YES1: variants seen among roughly 807,000 people sequenced by gnomAD.
YES1 encodes YES proto-oncogene 1, Src family tyrosine kinase.
In YES1, 39 loss-of-function variants were observed where a neutral mutation model predicts 70.4. The observed-to-expected ratio is 0.55, with a 90% confidence interval of 0.43 to 0.72. The LOEUF (loss-of-function observed/expected upper bound fraction) is 0.72. YES1 is among the 30% of genes least tolerant of loss of function. YES1 has a pLI of 0.00. For missense variants in YES1, 495 were observed against 644.8 expected (o/e 0.77, Z 2.52); for synonymous variants, 198 against 218.6 (o/e 0.91, Z 0.83).
At chr18:807,194 C>T (rs887172728) in intron 1 of YES1, among the ~76,000 whole-genome samples, 23 of 152,026 alleles carry the variant, frequency 1.5e-4, no homozygotes, top group Admixed American at 3.3e-4. Context: ...ATTAGCCGGG[C>T]GTGGTGGTGC....
intron 1 of YES1, among the ~76,000 whole-genome samples, chr18:805,215 T>C (rs753033349): frequency 2.6e-5 from 4 of 152,198 alleles, no homozygotes; most frequent in Non-Finnish European, 5.9e-5. Context: ...ACTACAACCT[T>C]GGGCCATATA....
intron 1 of YES1, among the ~76,000 whole-genome samples, chr18:767,388 C>A (rs1408709771): frequency 6.6e-6 from 1 of 152,134 alleles, no homozygotes; most frequent in Non-Finnish European, 1.5e-5. Flanking sequence ...TGAGCTCAAG[C>A]AATTCGCCTG....
Position 745,779 on chromosome 18 carries a change from T to C in YES1, c.653A>G (p.Asp218Gly). ...NVKHYKIRKL[D>G]NGGYYITTRA... is the part of the protein sequence containing the mutation. ...GGTTGTGATATAGTATCCACCATTG[T>C]CAAGTTTCCTAATTTTGTAGTGTTT... Residue 218 changes from aspartate (D) to glycine (G), a missense_variant, in exon 6 of 12, where the codon GAC becomes GGC. Asp to Gly is a moderately conservative substitution (Grantham distance 94). Coordinates refer to ENST00000314574, the MANE Select transcript of YES1 (RefSeq NM_005433.4). 1.9e-6 allele frequency: 3 copies of C among 1,613,292 alleles called. No individual in the cohort carries two copies. Among genetic ancestry groups the C allele is most frequent in the Non-Finnish European group, 8.5e-7 (1 of 1,179,818 alleles).
At chr18:800,067 T>A (rs541212215) in intron 1 of YES1, among the ~76,000 whole-genome samples, 4 of 152,326 alleles carry the variant, frequency 2.6e-5, no homozygotes, top group Non-Finnish European at 5.9e-5. Context: ...AGTTTCTCCA[T>A]CAGACTCAAG....
At chr18:752,548 T>C (rs906149692) in intron 2 of YES1, among the ~76,000 whole-genome samples, 1 of 152,190 alleles carries the variant, frequency 6.6e-6, no homozygotes, top group Non-Finnish European at 1.5e-5. Context: ...AAATAATGAA[T>C]GAACAATTGC....
At chr18:808,239 T>C (rs532397164) in intron 1 of YES1, among the ~76,000 whole-genome samples, 54 of 152,330 alleles carry the variant, frequency 3.5e-4, no homozygotes, top group South Asian at 6.2e-4. Flanking sequence ...GAAAACGATA[T>C]TGGCGGCAGC....
chr18:793,017 G>T (rs1906348311), intron 1 of YES1, among the ~76,000 whole-genome samples: 1 of 150,186 alleles, frequency 6.7e-6, no homozygotes, highest in Non-Finnish European at 1.5e-5. Context: ...GAGTCTTAAG[G>T]TTCATTATAA....
intron 1 of YES1, among the ~76,000 whole-genome samples, chr18:760,851 T>C (rs1265199687): frequency 6.6e-6 from 1 of 152,200 alleles, no homozygotes; most frequent in East Asian, 1.9e-4. Flanking sequence ...ATCTTTGTAC[T>C]TGCTCATGCT....
At chr18:732,067 TA>T (rs2080096609) in intron 11 of YES1, among the ~76,000 whole-genome samples, 1 of 151,730 alleles carries the variant, frequency 6.6e-6, no homozygotes, top group African/African-American at 2.4e-5. Context: ...TGCTGGTTTA[TA>T]AATAGGTTAG....
At chr18:781,633 A>G (rs1001318475) in intron 1 of YES1, among the ~76,000 whole-genome samples, 3 of 152,228 alleles carry the variant, frequency 2.0e-5, no homozygotes, top group African/African-American at 2.4e-5. Flanking sequence ...CTGATGCCCA[A>G]TGAATATTTT....
In YES1 at chr18:756,837, TAC is replaced by T; in HGVS notation, c.-8-4_-8-3del. ...TTTTAATGCAGCCCATTATCAAATC[TAC>T]AGAGACAATAAAATATTTTGAGAGT... On this transcript the variant is annotated splice_polypyrimidine_tract_variant and splice_region_variant and intron_variant, in intron 1 of 11. Transcript: ENST00000314574. 2 of 1,608,610 alleles carry T rather than the reference TAC, an allele frequency of 1.2e-6. No homozygotes were observed. The highest frequency in any genetic ancestry group is 1.7e-6 in the Non-Finnish European group (2 of 1,177,112).
chr18:760,092 C>T (rs1904508869), intron 1 of YES1, among the ~76,000 whole-genome samples: 2 of 152,102 alleles, frequency 1.3e-5, no homozygotes, highest in South Asian at 4.1e-4. Flanking sequence ...GCCACATTTT[C>T]TTAATCCAGT....
At chr18:802,986 G>A (rs1051867248) in intron 1 of YES1, among the ~76,000 whole-genome samples, 2 of 151,874 alleles carry the variant, frequency 1.3e-5, no homozygotes, top group African/African-American at 4.8e-5. Flanking sequence ...CCAGCACTTT[G>A]GGAGGCCGAG....
intron 4 of YES1, among the ~76,000 whole-genome samples, chr18:746,617 G>C (rs1328505891): frequency 6.6e-6 from 1 of 152,164 alleles, no homozygotes; most frequent in African/African-American, 2.4e-5. Context: ...GAGTTATTGA[G>C]ACACATTACA....
chr18:804,899 G>A (rs1283050401), intron 1 of YES1, among the ~76,000 whole-genome samples: 25 of 65,606 alleles, frequency 3.8e-4, no homozygotes, highest in African/African-American at 1.8e-3. Context: ...GGGCGACAGA[G>A]TGAGACTCTG....
chr18:762,567 GAA>G (rs1904648518), intron 1 of YES1, among the ~76,000 whole-genome samples: 1 of 151,806 alleles, frequency 6.6e-6, no homozygotes, highest in Non-Finnish European at 1.5e-5. Context: ...CATTTATATG[GAA>G]AAGTCTCTTC....
intron 1 of YES1, among the ~76,000 whole-genome samples, chr18:775,941 T>C (rs1164892246): frequency 6.6e-6 from 1 of 152,252 alleles, no homozygotes; most frequent in Non-Finnish European, 1.5e-5. Flanking sequence ...TTCTTTTATA[T>C]GAATATACCA....
At chr18:782,389 C>A (rs1905717463) in intron 1 of YES1, among the ~76,000 whole-genome samples, 1 of 152,146 alleles carries the variant, frequency 6.6e-6, no homozygotes, top group Non-Finnish European at 1.5e-5. Flanking sequence ...CCCTCTCCAG[C>A]CAAGAGGCAG....
intron 1 of YES1, among the ~76,000 whole-genome samples, chr18:790,837 T>C (rs1906208130): frequency 1.3e-5 from 2 of 152,254 alleles, no homozygotes; most frequent in Non-Finnish European, 2.9e-5. Flanking sequence ...ACAGGATGCT[T>C]TCTTGGTTGT....
Sources: gnomAD v4.1 joint callset for allele counts (sites outside exome capture counted in the v4.1 genomes callset) on GRCh38, gnomAD v4.1.1 for gene constraint, MANE v1.5 for transcripts, NCBI Gene and HGNC (gene_info 2026-07-23, HGNC 2026-07-21) for gene names.